OSTF1: variants seen among roughly 807,000 people sequenced by gnomAD.
OSTF1 encodes the protein osteoclast stimulating factor 1, also known as osteoclast-stimulating factor 1.
Under a neutral mutation model 37.2 loss-of-function variants are expected in OSTF1, and 27 were observed. That is an observed-to-expected ratio of 0.73 (90% confidence interval 0.54 to 1.00). The LOEUF is 1.00. OSTF1 is among the 50% of genes least tolerant of loss of function. The pLI is 0.00. For synonymous variants in OSTF1, 82 were observed against 89.2 expected, an observed-to-expected ratio of 0.92 and a Z score of 0.46; for missense variants, 232 against 253.8, an observed-to-expected ratio of 0.91 and a Z score of 0.58.
chr9:75,112,794 C>T (rs1262384375), intron 1 of OSTF1, among the ~76,000 whole-genome samples: 2 of 152,194 alleles, frequency 1.3e-5, no homozygotes, highest in East Asian at 3.8e-4. Context: ...TTAGCCATAA[C>T]ACATCTCATC....
At chr9:75,109,137 C>A (rs1825341263) in intron 1 of OSTF1, among the ~76,000 whole-genome samples, 1 of 151,764 alleles carries the variant, frequency 6.6e-6, no homozygotes, top group African/African-American at 2.4e-5. Context: ...CTCAGCCTCC[C>A]AACTAGCTGG....
chr9:75,110,307 T>C (rs773086866), intron 1 of OSTF1, among the ~76,000 whole-genome samples: 2 of 152,242 alleles, frequency 1.3e-5, no homozygotes, highest in African/African-American at 2.4e-5. Context: ...TTCCATAGTT[T>C]TGCCTTTTCC....
chr9:75,136,305 C>T lies in OSTF1; in HGVS notation c.409-1233C>T, dbSNP rs535105785. 3.3e-5 allele frequency among the ~76,000 whole-genome samples: 5 copies of T among 152,062 alleles called. No individual in the cohort carries two copies. The South Asian group carries it at 1.0e-3, about 31-fold the overall frequency. ...GGCTCTTCACTGTACTGTGTTTTTTCCCTTTGAGATCCATTTATTTTGTTT... is the reference window on the plus strand; with the variant it reads ...GGCTCTTCACTGTACTGTGTTTTTTTCCTTTGAGATCCATTTATTTTGTTT... On this transcript the variant is annotated intron_variant, in intron 7 of 9. Transcript: ENST00000346234.
At chr9:75,129,613 A>G (rs1008886909) in intron 3 of OSTF1, among the ~76,000 whole-genome samples, 2 of 152,198 alleles carry the variant, frequency 1.3e-5, no homozygotes, top group African/African-American at 2.4e-5. Context: ...AGAACTGATG[A>G]CCAATTTATA....
intron 1 of OSTF1, among the ~76,000 whole-genome samples, chr9:75,107,200 C>G (rs1161047647): frequency 1.3e-5 from 2 of 149,886 alleles, no homozygotes; most frequent in Non-Finnish European, 2.9e-5. Context: ...TACCATCCCA[C>G]GGACTCCCCC....
At chr9:75,138,497 G>C (rs931248759) in intron 8 of OSTF1, among the ~76,000 whole-genome samples, 1 of 152,094 alleles carries the variant, frequency 6.6e-6, no homozygotes, top group South Asian at 2.1e-4. Flanking sequence ...ATTGAGATGT[G>C]CTGTAAGTGT....
intron 2 of OSTF1, among the ~76,000 whole-genome samples, chr9:75,119,031 G>C (rs1364537132): frequency 1.3e-5 from 2 of 152,238 alleles, no homozygotes; most frequent in Non-Finnish European, 2.9e-5. Flanking sequence ...CCCAGACCCT[G>C]CTGTCCCCAA....
At chr9:75,129,286 A>C (rs1825725101) in intron 3 of OSTF1, among the ~76,000 whole-genome samples, 1 of 152,196 alleles carries the variant, frequency 6.6e-6, no homozygotes, top group Non-Finnish European at 1.5e-5. Context: ...TTATTCTGAC[A>C]ACTGTTAAGG....
At chr9:75,110,676 A>AT (rs1265711243) in intron 1 of OSTF1, among the ~76,000 whole-genome samples, 1 of 151,424 alleles carries the variant, frequency 6.6e-6, no homozygotes, top group African/African-American at 2.4e-5. Context: ...TGTTTATCGT[A>AT]TATCTGTGTA....
chr9:75,091,652 T>G (rs1176548048), intron 1 of OSTF1, among the ~76,000 whole-genome samples: 1 of 152,214 alleles, frequency 6.6e-6, no homozygotes, highest in African/African-American at 2.4e-5. Context: ...TTTTGGTTTG[T>G]TTAAACCTTG....
intron 1 of OSTF1, among the ~76,000 whole-genome samples, chr9:75,097,023 G>A (rs74630960): frequency 0.048 from 7,328 of 152,286 alleles, 219 homozygotes; most frequent in Middle Eastern, 0.082. Context: ...TTTATCTGAT[G>A]CTAGCCCTGC....
chr9:75,102,716 C>T (rs1323315002), intron 1 of OSTF1, among the ~76,000 whole-genome samples: 1 of 152,172 alleles, frequency 6.6e-6, no homozygotes, highest in Admixed American at 6.5e-5. Context: ...CCTGATCCTG[C>T]CCCCTTTTGC....
At chr9:75,139,050 C>CTTTCTTTCTTTCTTTCT (rs1554774458) in intron 8 of OSTF1, among the ~76,000 whole-genome samples, 1 of 136,032 alleles carries the variant, frequency 7.4e-6, no homozygotes, top group Non-Finnish European at 1.5e-5. Context: ...TTCTTTCTTT[C>CTTTCTTTCTTTCTTTCT]TTTCTTTTTT....
chr9:75,113,983 T>C (rs1825437462), intron 1 of OSTF1, among the ~76,000 whole-genome samples: 1 of 152,210 alleles, frequency 6.6e-6, no homozygotes, highest in African/African-American at 2.4e-5. Flanking sequence ...ACTATATTAC[T>C]GTCTGTTTCT....
intron 7 of OSTF1, among the ~76,000 whole-genome samples, chr9:75,134,751 AC>A: frequency 6.6e-6 from 1 of 152,172 alleles, no homozygotes; most frequent in Non-Finnish European, 1.5e-5. Flanking sequence ...GCACCCCAGC[AC>A]CAAGCCTGTT....
intron 9 of OSTF1, among the ~76,000 whole-genome samples, chr9:75,145,822 A>G (rs1290920259): frequency 6.6e-6 from 1 of 152,176 alleles, no homozygotes; most frequent in Non-Finnish European, 1.5e-5. Flanking sequence ...GTTGAATCTC[A>G]GACCCTTTCA....
At chr9:75,130,001 T>A (rs1421121998) in intron 3 of OSTF1, among the ~76,000 whole-genome samples, 4 of 151,932 alleles carry the variant, frequency 2.6e-5, no homozygotes, top group Non-Finnish European at 5.9e-5. Context: ...AATAATATGA[T>A]GTCTAGAATT....
At chr9:75,141,338 A>G (rs1825941029) in intron 9 of OSTF1, among the ~76,000 whole-genome samples, 1 of 125,160 alleles carries the variant, frequency 8.0e-6, no homozygotes, top group Non-Finnish European at 1.7e-5. Flanking sequence ...AAAAAAAAAA[A>G]AGATAAACTC....
At chr9:75,114,204 C>T (rs966567086) in intron 1 of OSTF1, among the ~76,000 whole-genome samples, 2 of 151,674 alleles carry the variant, frequency 1.3e-5, no homozygotes, top group African/African-American at 2.4e-5. Context: ...TTCATTCTGC[C>T]GTTGATGGAC....
Sources: allele counts gnomAD v4.1 joint callset (sites outside exome capture counted in the v4.1 genomes callset), GRCh38; gene constraint gnomAD v4.1.1; transcripts MANE v1.5; gene names NCBI Gene and HGNC (gene_info 2026-07-23, HGNC 2026-07-21).